Variants in USP37 observed in about 807,000 individuals in gnomAD.
USP37 encodes ubiquitin specific peptidase 37, also known as ubiquitin carboxyl-terminal hydrolase 37.
A neutral mutation model predicts 124.0 loss-of-function variants in USP37; 27 were observed. That is an observed-to-expected ratio of 0.22 (90% confidence interval 0.16 to 0.30). The LOEUF is 0.30. USP37 is among the 10% of genes least tolerant of loss of function. The pLI is 1.00. For missense variants in USP37, 889 were observed against 1,140.4 expected, an observed-to-expected ratio of 0.78 and a Z score of 3.17; for synonymous variants, 365 against 388.0, an observed-to-expected ratio of 0.94 and a Z score of 0.70.
In USP37 at chr2:218,498,848, ATAATT is replaced by A. The variant is rs537037517; in HGVS notation, c.1026-696_1026-692del. ...ACTAAAGTGCTTTTCATTCTTACTT[ATAATT>A]TATTTTTTCATTTAAATATAACTTA... On this transcript the variant is annotated intron_variant, in intron 11 of 25. Coordinates refer to ENST00000258399, the MANE Select transcript of USP37 (RefSeq NM_020935.3). Among the ~76,000 whole-genome samples the A allele has an allele frequency of 1.4e-4, 22 of 152,360 alleles. 1 individual carries two copies. Among genetic ancestry groups the A allele is most frequent in the African/African-American group, 4.8e-4 (20 of 41,594 alleles).
chr2:218,456,713 T>C (rs966842776), intron 24 of USP37, among the ~76,000 whole-genome samples: 1 of 152,142 alleles, frequency 6.6e-6, no homozygotes, highest in African/African-American at 2.4e-5. Context: ...CTCACGTCTG[T>C]AATCCCAGCA....
intron 4 of USP37, among the ~76,000 whole-genome samples, chr2:218,555,830 C>T (rs749199411): frequency 1.3e-5 from 2 of 152,140 alleles, no homozygotes; most frequent in Non-Finnish European, 2.9e-5. Flanking sequence ...TGCTCCGTAT[C>T]ATGGAAGACA....
In USP37 at chr2:218,452,104, T is replaced by C. The variant is rs986733495; in HGVS notation, c.*2826A>G. 1 of 152,490 alleles carries C rather than the reference T, an allele frequency of 6.6e-6. No individual in the cohort carries two copies. The highest frequency in any genetic ancestry group is 6.5e-5 in the Admixed American group (1 of 15,280). 9.4% of individuals were successfully genotyped at this position (152,490 alleles called of 1,614,324 possible). A position where few individuals can be genotyped will look rare whatever the true frequency, so the allele number is the denominator to read the frequency against. On this transcript the variant is annotated 3_prime_UTR_variant, in exon 26 of 26. Coordinates refer to ENST00000258399, the MANE Select transcript of USP37 (RefSeq NM_020935.3). ...CTATTAGGTGATTAAAATCAACAAATATGAAGTTTAGTTCATTTTTCCCTT... is the reference window on the plus strand; with the variant it reads ...CTATTAGGTGATTAAAATCAACAAACATGAAGTTTAGTTCATTTTTCCCTT...
chr2:218,468,705 A>T (rs892140215), intron 20 of USP37, among the ~76,000 whole-genome samples: 1 of 151,522 alleles, frequency 6.6e-6, no homozygotes, highest in Non-Finnish European at 1.5e-5. Flanking sequence ...ATCTTATTTT[A>T]TTTTTTGAGA....
chr2:218,493,026 T>TC (rs35229058), intron 14 of USP37, among the ~76,000 whole-genome samples: 26 of 151,842 alleles, frequency 1.7e-4, no homozygotes, highest in Non-Finnish European at 3.1e-4. Context: ...AAAATTTTTT[T>TC]CCCTCATATT....
chr2:218,511,603 C>A (rs1446989808), intron 10 of USP37, among the ~76,000 whole-genome samples: 1 of 151,288 alleles, frequency 6.6e-6, no homozygotes, highest in East Asian at 1.9e-4. Context: ...AGCCACCATG[C>A]CCAGCCTAAT....
chr2:218,508,530 G>A (rs1689804981), intron 11 of USP37, among the ~76,000 whole-genome samples: 1 of 152,004 alleles, frequency 6.6e-6, no homozygotes, highest in Admixed American at 6.6e-5. Context: ...TACAGGAGAA[G>A]GCAATAGGAA....
intron 14 of USP37, among the ~76,000 whole-genome samples, chr2:218,490,308 T>G (rs1691860366): frequency 6.6e-6 from 1 of 152,176 alleles, no homozygotes; most frequent in Non-Finnish European, 1.5e-5. Flanking sequence ...ACTACTGCAC[T>G]CCAGCCTGGG....
intron 24 of USP37, among the ~76,000 whole-genome samples, chr2:218,456,620 AAC>A (rs1046293003): frequency 2.6e-5 from 4 of 152,212 alleles, no homozygotes; most frequent in African/African-American, 9.6e-5. Flanking sequence ...TACACCTATT[AAC>A]ACAATGCACA....
chr2:218,555,880 C>T (rs1312060927), intron 4 of USP37, among the ~76,000 whole-genome samples: 1 of 149,182 alleles, frequency 6.7e-6, no homozygotes, highest in Non-Finnish European at 1.5e-5. Flanking sequence ...TGAGACTCTC[C>T]CCAGATAATT....
chr2:218,557,519 G>C (rs1292431366), intron 4 of USP37, among the ~76,000 whole-genome samples: 2 of 151,690 alleles, frequency 1.3e-5, no homozygotes, highest in African/African-American at 4.9e-5. Context: ...CAATTCAAAA[G>C]CAGAGACAAA....
chr2:218,542,826 T>C (rs946367234), intron 8 of USP37, among the ~76,000 whole-genome samples: 2 of 152,226 alleles, frequency 1.3e-5, no homozygotes, highest in African/African-American at 4.8e-5. Flanking sequence ...CAAATACCTT[T>C]GTGCATAAAC....
chr2:218,505,880 T>G (rs74960140), intron 11 of USP37, among the ~76,000 whole-genome samples: 1 of 146,006 alleles, frequency 6.8e-6, no homozygotes, highest in East Asian at 2.1e-4. Flanking sequence ...GTTTTTTTTT[T>G]GAGACAAAGT....
At position 218,455,572 on chromosome 2, in the gene USP37, T is replaced by C. The variant is rs1288325653; in HGVS notation, c.2852+8A>G. On this transcript the variant is annotated splice_region_variant and intron_variant, in intron 25 of 25. Transcript: ENST00000258399. ...ACTCATTATTTAGAATCTGGCAAAGTTTCTTACTTGTGCATATAAAAGAAG... is the reference window on the plus strand; with the variant it reads ...ACTCATTATTTAGAATCTGGCAAAGCTTCTTACTTGTGCATATAAAAGAAG... 2 of 1,599,806 alleles carry C rather than the reference T, an allele frequency of 1.3e-6. No individual in the cohort carries two copies. Among genetic ancestry groups the C allele is most frequent in the Admixed American group, 1.8e-5 (1 of 56,264 alleles).
intron 18 of USP37, among the ~76,000 whole-genome samples, chr2:218,477,312 G>A (rs1691033174): frequency 1.3e-5 from 2 of 152,280 alleles, no homozygotes; most frequent in African/African-American, 4.8e-5. Flanking sequence ...ATGAATAAAT[G>A]TTTTTGACAA....
Position 218,486,011 on chromosome 2 carries a change from TA to T in USP37, c.1591-269del, listed in dbSNP as rs1691542665. ...TTATGATAGTAACTAGACTCTAAAA[TA>T]GAAGATTCTTAGCCTTTTCAGCCTT... On this transcript the variant is annotated intron_variant, in intron 15 of 25. Transcript: ENST00000258399. The T allele has an allele frequency of 1.4e-5, 5 of 354,800 alleles. No homozygotes were observed. In the Admixed American group the frequency reaches 2.3e-4, roughly 16 times the overall value. 22.0% of individuals were successfully genotyped at this position (354,800 alleles called of 1,614,324 possible). A position where few individuals can be genotyped will look rare whatever the true frequency, so the allele number is the denominator to read the frequency against.
At chr2:218,524,437 C>T (rs919974381) in intron 10 of USP37, among the ~76,000 whole-genome samples, 3 of 152,150 alleles carry the variant, frequency 2.0e-5, no homozygotes, top group African/African-American at 4.8e-5. Context: ...TATGTAATTG[C>T]AGCCTCCTCT....
At chr2:218,487,710 C>A (rs191883767) in intron 15 of USP37, among the ~76,000 whole-genome samples, 1 of 152,052 alleles carries the variant, frequency 6.6e-6, no homozygotes, top group Admixed American at 6.6e-5. Context: ...TGAGCCACTG[C>A]GCCTGGCCAA....
At chr2:218,507,401 G>A (rs1000916543) in intron 11 of USP37, among the ~76,000 whole-genome samples, 14 of 152,062 alleles carry the variant, frequency 9.2e-5, no homozygotes, top group African/African-American at 2.4e-4. Flanking sequence ...CAAGTTATCC[G>A]CCTGCCTCGG....
Sources: allele counts gnomAD v4.1 joint callset (sites outside exome capture counted in the v4.1 genomes callset), GRCh38; gene constraint gnomAD v4.1.1; transcripts MANE v1.5; gene names NCBI Gene and HGNC (gene_info 2026-07-23, HGNC 2026-07-21).